The following COL23A1 variants were observed in gnomAD, a reference collection of about 807,000 sequenced individuals.
The protein encoded by COL23A1 is collagen type XXIII alpha 1 chain.
In COL23A1, 97 loss-of-function variants were observed where a neutral mutation model predicts 99.3. The observed-to-expected ratio is 0.98, with a 90% CI of 0.83 to 1.16. The LOEUF (loss-of-function observed/expected upper bound fraction) is 1.16. Ranked by LOEUF, COL23A1 falls within the 50% of genes most tolerant of loss-of-function variation. The pLI, the probability that COL23A1 is intolerant of heterozygous loss-of-function variation, is 0.00. For missense variants in COL23A1, 762 were observed against 757.4 expected, an observed-to-expected ratio of 1.01 and a Z score of -0.07; for synonymous variants, 320 against 308.2, an observed-to-expected ratio of 1.04 and a Z score of -0.40.
intron 1 of COL23A1, among the ~76,000 whole-genome samples, chr5:178,585,491 G>A (rs1301841469): frequency 6.8e-6 from 1 of 146,828 alleles, no homozygotes; most frequent in South Asian, 2.2e-4. Flanking sequence ...CCACAGCCCT[G>A]GATGACGCTG....
chr5:178,545,673 A>G (rs993085750), intron 2 of COL23A1, among the ~76,000 whole-genome samples: 1 of 152,078 alleles, frequency 6.6e-6, no homozygotes, highest in Non-Finnish European at 1.5e-5. Context: ...TCTGGCCCCA[A>G]GTGAACCGAG....
chr5:178,407,861 A>G (rs1284180787), intron 2 of COL23A1, among the ~76,000 whole-genome samples: 3 of 152,212 alleles, frequency 2.0e-5, no homozygotes, highest in African/African-American at 7.2e-5. Flanking sequence ...AAGATCTGAC[A>G]TTAGTGTCAG....
chr5:178,423,837 C>T (rs1361625798), intron 2 of COL23A1, among the ~76,000 whole-genome samples: 1 of 152,154 alleles, frequency 6.6e-6, no homozygotes, highest in Non-Finnish European at 1.5e-5. Flanking sequence ...CTGTGCCTCA[C>T]AATAATGCTC....
rs999414356 is a variant in COL23A1 at position 178,387,518 on chromosome 5, T to A, written c.362-80599A>T. 1.3e-5 allele frequency among the ~76,000 whole-genome samples: 2 copies of A among 152,166 alleles called. No homozygotes were observed. Among genetic ancestry groups the A allele is most frequent in the Admixed American group, 6.5e-5 (1 of 15,270 alleles). On this transcript the variant is annotated intron_variant, in intron 2 of 28. Transcript: ENST00000390654. The surrounding 1 kb of genome is among the most constrained non-coding windows in gnomAD (Gnocchi z 4.7). ...GAGCTCTCCTGGCAGGGTCGGGAACTGCCTGCTGCATCTGGGTATGCTCTG... is the reference window on the plus strand; with the variant it reads ...GAGCTCTCCTGGCAGGGTCGGGAACAGCCTGCTGCATCTGGGTATGCTCTG...
At chr5:178,357,936 ATGTATG>A (rs1215884515) in intron 2 of COL23A1, among the ~76,000 whole-genome samples, 10 of 116,560 alleles carry the variant, frequency 8.6e-5, no homozygotes, top group Admixed American at 1.8e-4. Context: ...GTGTATGTGT[ATGTATG>A]TGTGTGTATG....
intron 2 of COL23A1, among the ~76,000 whole-genome samples, chr5:178,507,970 T>C (rs1758971380): frequency 6.6e-6 from 1 of 152,204 alleles, no homozygotes; most frequent in African/African-American, 2.4e-5. Flanking sequence ...AGATCGTCTA[T>C]GATAGTCCCA....
chr5:178,302,444 CCT>C (rs1361067720), intron 3 of COL23A1, among the ~76,000 whole-genome samples: 4 of 107,754 alleles, frequency 3.7e-5, no homozygotes, highest in African/African-American at 3.6e-5. Flanking sequence ...CTTCAATCCA[CCT>C]CTGTGTGTGC....
At chr5:178,519,372 A>C (rs1420448344) in intron 2 of COL23A1, among the ~76,000 whole-genome samples, 1 of 152,166 alleles carries the variant, frequency 6.6e-6, no homozygotes, top group Non-Finnish European at 1.5e-5. Flanking sequence ...CAGACTCACA[A>C]GTCTCCCATG....
intron 2 of COL23A1, among the ~76,000 whole-genome samples, chr5:178,373,502 C>T (rs1306614583): frequency 9.9e-5 from 15 of 152,138 alleles, no homozygotes; most frequent in Admixed American, 5.2e-4. Flanking sequence ...CTGCAACCTC[C>T]GCCTCCCAGG....
In COL23A1 at chr5:178,242,193, T is replaced by A. The variant is rs1764440201; in HGVS notation, c.1495-65A>T. 3 of 1,493,210 alleles carry A rather than the reference T, an allele frequency of 2.0e-6. No homozygotes were observed. Among genetic ancestry groups the A allele is most frequent in the Non-Finnish European group, 2.7e-6 (3 of 1,096,888 alleles). The allele number at this position is 1,493,210 out of a possible 1,614,324, so 92.5% of individuals were successfully genotyped here. On this transcript the variant is annotated intron_variant, in intron 26 of 28. Coordinates refer to ENST00000390654, the MANE Select transcript of COL23A1 (RefSeq NM_173465.4). ...CAGGCTTAGGAACCTCCAACATCTC[T>A]CCGAGAGAAGCGCGTGGGGCCAGCC...
At chr5:178,388,978 C>T (rs571922205) in intron 2 of COL23A1, among the ~76,000 whole-genome samples, 8 of 152,330 alleles carry the variant, frequency 5.3e-5, no homozygotes, top group African/African-American at 1.9e-4. Context: ...AGGGACATCT[C>T]ATGAGTCAGG....
Position 178,516,534 on chromosome 5 carries a change from C to T in COL23A1, c.361+44148G>A, listed in dbSNP as rs1581544309. Among the ~76,000 whole-genome samples the T allele has an allele frequency of 2.6e-5, 4 of 152,346 alleles. No individual in the cohort carries two copies. The South Asian group carries it at 8.3e-4, about 32-fold the overall frequency. ...CAAGCATCCCTGACCTGTCCCCTCCCCAGCCCCCTGCCACCACCAGGCATA... is the reference window on the plus strand; with the variant it reads ...CAAGCATCCCTGACCTGTCCCCTCCTCAGCCCCCTGCCACCACCAGGCATA... On this transcript the variant is annotated intron_variant, in intron 2 of 28. Coordinates refer to ENST00000390654, the MANE Select transcript of COL23A1 (RefSeq NM_173465.4).
intron 2 of COL23A1, among the ~76,000 whole-genome samples, chr5:178,347,928 GA>G (rs1761079974): frequency 6.9e-6 from 1 of 143,938 alleles, no homozygotes; most frequent in South Asian, 2.2e-4. Flanking sequence ...AAAAAACAAA[GA>G]ATAAATTTAA....
At chr5:178,246,054 C>T (rs1764676071) in intron 24 of COL23A1, 86 bp from the exon 25 acceptor site, 13 of 1,510,888 alleles carry the variant, frequency 8.6e-6, no homozygotes, top group Non-Finnish European at 1.2e-5. Flanking sequence ...TGTGGGTTGG[C>T]CACAGACATG....
intron 9 of COL23A1, 145 bp from the exon 10 acceptor site, chr5:178,262,397 C>T (rs59092383): frequency 0.05 from 35,845 of 723,514 alleles, 1,173 homozygotes; most frequent in East Asian, 0.12. Context: ...GTATCACTGT[C>T]CCCACTCCAC....
At chr5:178,375,501 A>ACCATCT (rs1763024022) in intron 2 of COL23A1, among the ~76,000 whole-genome samples, 1 of 152,218 alleles carries the variant, frequency 6.6e-6, no homozygotes, top group Non-Finnish European at 1.5e-5. Flanking sequence ...TCTCACACAG[A>ACCATCT]GTCGATGGTC....
chr5:178,347,409 G>A (rs1445130428), intron 2 of COL23A1, among the ~76,000 whole-genome samples: 2 of 151,756 alleles, frequency 1.3e-5, no homozygotes, highest in Non-Finnish European at 2.9e-5. Flanking sequence ...GGATGCCAGA[G>A]CCTGGGGGAC....
intron 2 of COL23A1, among the ~76,000 whole-genome samples, chr5:178,431,524 A>G (rs1766264653): frequency 6.6e-6 from 1 of 152,194 alleles, no homozygotes; most frequent in African/African-American, 2.4e-5. Context: ...TTGGCCCCAG[A>G]CGTAATCACA....
At chr5:178,529,226 G>A (rs1263446797) in intron 2 of COL23A1, among the ~76,000 whole-genome samples, 1 of 152,164 alleles carries the variant, frequency 6.6e-6, no homozygotes, top group Non-Finnish European at 1.5e-5. Context: ...CCGTGAGGAT[G>A]TGTTGCAAGA....
Sources: gnomAD v4.1 joint callset for allele counts (sites outside exome capture counted in the v4.1 genomes callset) on GRCh38, gnomAD v4.1.1 for gene constraint, Gnocchi (gnomAD v3.1) non-coding constraint, MANE v1.5 for transcripts, NCBI Gene and HGNC (gene_info 2026-07-23, HGNC 2026-07-21) for gene names.